The following RANBP2 variants were observed in gnomAD, a reference collection of about 807,000 sequenced individuals.
The protein encoded by RANBP2 is E3 SUMO-protein ligase RanBP2.
Under a neutral mutation model 303.6 loss-of-function variants are expected in RANBP2, and 57 were observed. The observed-to-expected ratio is 0.19, with a 90% CI of 0.15 to 0.23. RANBP2 has a LOEUF of 0.23. RANBP2 is among the 10% of genes least tolerant of loss of function. The probability of loss-of-function intolerance (pLI) is 1.00; values close to 1 mark genes in which losing one functional copy is unlikely to be tolerated. For missense variants in RANBP2, 3,138 were observed against 3,780.8 expected, an observed-to-expected ratio of 0.83 and a Z score of 4.46; for synonymous variants, 1,167 against 1,301.5, an observed-to-expected ratio of 0.90 and a Z score of 2.23.
chr2:109,521,887 T>A, the RANBP2 span, among the ~76,000 whole-genome samples: 1 of 152,044 alleles, frequency 6.6e-6, no homozygotes, highest in Non-Finnish European at 1.5e-5. Flanking sequence ...TGAAGCTGAG[T>A]CTTTGAAGAT....
intron 26 of RANBP2, 76 bp from the exon 27 acceptor site, chr2:108,782,052 G>A (rs966443303): frequency 1.3e-6 from 2 of 1,548,652 alleles, no homozygotes; most frequent in African/African-American, 2.8e-5. Context: ...TGCCTTAAAA[G>A]AATTTGGATC....
the RANBP2 span, among the ~76,000 whole-genome samples, chr2:109,439,319 G>A: frequency 1.3e-5 from 2 of 152,120 alleles, no homozygotes; most frequent in East Asian, 3.9e-4. Context: ...TTGTCCCCAC[G>A]CTATTGCTGT....
At chr2:109,281,107 G>A in the RANBP2 span, among the ~76,000 whole-genome samples, 1 of 152,212 alleles carries the variant, frequency 6.6e-6, no homozygotes, top group Non-Finnish European at 1.5e-5. Context: ...CACACCCTGA[G>A]AGACAGGAAT....
chr2:108,909,027 G>C, the RANBP2 span, among the ~76,000 whole-genome samples: 1 of 152,162 alleles, frequency 6.6e-6, no homozygotes, highest in Non-Finnish European at 1.5e-5. Flanking sequence ...TCCTGTCTCT[G>C]AGACCTAAGG....
chr2:109,655,147 C>T, the RANBP2 span, among the ~76,000 whole-genome samples: 4 of 152,202 alleles, frequency 2.6e-5, no homozygotes, highest in South Asian at 2.1e-4. Context: ...TTGATCCACC[C>T]GCCTCAGCCT....
chr2:109,606,672 CTTTTTTTTTTTTTT>C, the RANBP2 span, among the ~76,000 whole-genome samples: 4 of 71,910 alleles, frequency 5.6e-5, 2 homozygotes, highest in East Asian at 2.1e-3. Context: ...AAATTTTAAG[CTTTTTTTTTTTTTT>C]TTTTTTTTTT....
At chr2:109,019,323 C>G in the RANBP2 span, among the ~76,000 whole-genome samples, 1 of 152,182 alleles carries the variant, frequency 6.6e-6, no homozygotes, top group South Asian at 2.1e-4. Flanking sequence ...GTGTGGTGTG[C>G]TGAGCTCCAG....
the RANBP2 span, among the ~76,000 whole-genome samples, chr2:109,276,444 C>T: frequency 8.2e-4 from 125 of 152,268 alleles, no homozygotes; most frequent in African/African-American, 2.7e-3. Context: ...GACTGTCCTC[C>T]GGGACCCAGG....
the RANBP2 span, among the ~76,000 whole-genome samples, chr2:109,525,217 C>T: frequency 7.9e-5 from 12 of 152,012 alleles, no homozygotes; most frequent in African/African-American, 2.2e-4. Flanking sequence ...TGCAGTGACG[C>T]GGTCTTGGCT....
At chr2:109,732,560 C>T in the RANBP2 span, among the ~76,000 whole-genome samples, 1 of 135,876 alleles carries the variant, frequency 7.4e-6, no homozygotes, top group African/African-American at 2.8e-5. Flanking sequence ...CTTACTGCAA[C>T]CTCCGCCTCC....
chr2:108,876,113 T>C, the RANBP2 span: 12 of 1,601,682 alleles, frequency 7.5e-6, no homozygotes, highest in Non-Finnish European at 1.0e-5. Flanking sequence ...CTTTGAACTT[T>C]TTACGATTCA....
At chr2:109,252,254 G>GAAA in the RANBP2 span, among the ~76,000 whole-genome samples, 20 of 144,580 alleles carry the variant, frequency 1.4e-4, no homozygotes, top group African/African-American at 3.8e-4. Context: ...TCTCAGAGGA[G>GAAA]AAAAAAAAAA....
At chr2:109,357,505 A>G in the RANBP2 span, among the ~76,000 whole-genome samples, 2 of 152,190 alleles carry the variant, frequency 1.3e-5, no homozygotes, top group African/African-American at 4.8e-5. Context: ...TTACCTAGTG[A>G]TGAAATGATG....
At chr2:109,171,536 C>A in the RANBP2 span, among the ~76,000 whole-genome samples, 5 of 152,252 alleles carry the variant, frequency 3.3e-5, no homozygotes, top group African/African-American at 1.2e-4. Context: ...TGGCTTCGCC[C>A]GCGGCGGGCC....
the RANBP2 span, among the ~76,000 whole-genome samples, chr2:109,209,833 C>T: frequency 1.3e-5 from 2 of 152,180 alleles, no homozygotes; most frequent in Admixed American, 1.3e-4. Flanking sequence ...ATTATTGTGA[C>T]AAAACATATA....
chr2:108,897,105 C>T, the RANBP2 span: 3 of 1,614,012 alleles, frequency 1.9e-6, no homozygotes, highest in South Asian at 2.2e-5. Context: ...CATCCCTCTT[C>T]AGGCCGAAGC....
At chr2:108,824,206 G>A in the RANBP2 span, among the ~76,000 whole-genome samples, 1 of 152,072 alleles carries the variant, frequency 6.6e-6, no homozygotes, top group African/African-American at 2.4e-5. Flanking sequence ...TTAGCTTACT[G>A]TAATCTTTTT....
the RANBP2 span, among the ~76,000 whole-genome samples, chr2:109,403,980 G>A: frequency 3.3e-5 from 5 of 152,184 alleles, no homozygotes; most frequent in Non-Finnish European, 5.9e-5. Context: ...GGCTCTTTCT[G>A]CTGCTCAGGG....
chr2:108,985,021 C>T, the RANBP2 span, among the ~76,000 whole-genome samples: 1 of 152,188 alleles, frequency 6.6e-6, no homozygotes, highest in Non-Finnish European at 1.5e-5. Context: ...TGCATGCCCT[C>T]TCATTTTTTG....
Sources: gnomAD v4.1 joint callset for allele counts (sites outside exome capture counted in the v4.1 genomes callset) on GRCh38, gnomAD v4.1.1 for gene constraint, MANE v1.5 for transcripts, NCBI Gene and HGNC (gene_info 2026-07-23, HGNC 2026-07-21) for gene names.